Variants in EML6 observed in about 807,000 individuals in gnomAD.
EML6 encodes echinoderm microtubule-associated protein-like 6.
Under a neutral mutation model 240.1 loss-of-function variants are expected in EML6, and 154 were observed. The ratio of observed to expected loss-of-function variants is 0.64; its 90% CI spans 0.56 to 0.73. The LOEUF (loss-of-function observed/expected upper bound fraction) is 0.73, where lower values mean the gene tolerates loss of function less well. EML6 is among the 30% of genes least tolerant of loss of function. The pLI is 0.00. For missense variants in EML6, 2,964 were observed against 2,474.6 expected (o/e 1.20, Z -4.20); for synonymous variants, 1,148 against 899.0 (o/e 1.28, Z -4.95).
In EML6 at chr2:54,914,715, T is replaced by C. The variant is rs116409072; in HGVS notation, c.3499-2044T>C. Among the ~76,000 whole-genome samples the C allele has an allele frequency of 3.0e-3, 464 of 152,298 alleles. 1 individual carries two copies. Among genetic ancestry groups the C allele is most frequent in the African/African-American group, 0.01 (424 of 41,562 alleles). ...AGAGCATTGAAGAGGTAGCTCATCA[T>C]GTTAGTCCCAATATTATAAGGCCCT... On this transcript the variant is annotated intron_variant, in intron 25 of 41. Transcript: ENST00000356458.
In EML6 at chr2:54,971,968, A is replaced by ATAAAACACATCAC. The variant is rs1677047577; in HGVS notation, c.*1875_*1887dup. The ATAAAACACATCAC allele has an allele frequency of 2.0e-5, 3 of 152,386 alleles. No homozygotes were observed. Among genetic ancestry groups the ATAAAACACATCAC allele is most frequent in the African/African-American group, 7.2e-5 (3 of 41,594 alleles). The allele number at this position is 152,386 out of a possible 1,614,324, so 9.4% of individuals were successfully genotyped here. A position where few individuals can be genotyped will look rare whatever the true frequency, so the allele number is the denominator to read the frequency against. Reference sequence around the variant, plus strand: ...TGGTGCATGAATTTATTTTCAAAGTATAAAACACATCACTTAAACATTTTA... The same window carrying ATAAAACACATCAC: ...TGGTGCATGAATTTATTTTCAAAGTATAAAACACATCACTAAAACACATCACTTAAACATTTTA... On this transcript the variant is annotated 3_prime_UTR_variant, in exon 42 of 42. Transcript: ENST00000356458.
Position 54,746,542 on chromosome 2 carries a change from AAG to A in EML6, c.197+21287_197+21288del, listed in dbSNP as rs201927401. 3.2e-3 allele frequency among the ~76,000 whole-genome samples: 482 copies of A among 152,338 alleles called. 4 individuals carry two copies. Among genetic ancestry groups the A allele is most frequent in the African/African-American group, 0.011 (459 of 41,586 alleles). ...AAATATAAAGAAGAGAGAAAAAGAA[AAG>A]AGTGTTGTTGTTGTTACTAATCCTT... On this transcript the variant is annotated intron_variant, in intron 2 of 41. Coordinates refer to ENST00000356458, the MANE Select transcript of EML6 (RefSeq NM_001039753.4).
intron 28 of EML6, among the ~76,000 whole-genome samples, chr2:54,929,296 G>A (rs1344874666): frequency 6.6e-6 from 1 of 152,146 alleles, no homozygotes; most frequent in Non-Finnish European, 1.5e-5. Context: ...TATTGCCTTG[G>A]ATCCTCTATA....
At chr2:54,878,789 A>G (rs1671657576) in intron 16 of EML6, among the ~76,000 whole-genome samples, 1 of 152,170 alleles carries the variant, frequency 6.6e-6, no homozygotes, top group African/African-American at 2.4e-5. Context: ...CTAAAGGAAA[A>G]TGTTCATGAT....
chr2:54,890,624 C>T (rs750414997), intron 17 of EML6, among the ~76,000 whole-genome samples: 2 of 152,116 alleles, frequency 1.3e-5, no homozygotes, highest in African/African-American at 2.4e-5. Context: ...CAATGCTTTC[C>T]ACAGCAAGAG....
chr2:54,727,786 A>C (rs1186262731), intron 2 of EML6, among the ~76,000 whole-genome samples: 2 of 152,234 alleles, frequency 1.3e-5, no homozygotes, highest in Non-Finnish European at 2.9e-5. Flanking sequence ...ATTCATATGC[A>C]TACATCTATA....
intron 12 of EML6, among the ~76,000 whole-genome samples, chr2:54,860,723 G>A (rs1298528796): frequency 1.3e-5 from 2 of 152,190 alleles, no homozygotes; most frequent in Admixed American, 6.5e-5. Context: ...CATAGAGAAA[G>A]GTGGCAGTTT....
Position 54,855,458 on chromosome 2 carries a change from GCC to G in EML6, c.1657+1612_1657+1613del, listed in dbSNP as rs11297060. On this transcript the variant is annotated intron_variant, in intron 11 of 41. Transcript: ENST00000356458. ...CCATAATCCAGTTACCTTCTACCAT[GCC>G]CCCCCCCCGCCCTCTAATTCTGGAG... is the stretch of plus-strand genomic sequence containing the variant. Among the ~76,000 whole-genome samples the G allele has an allele frequency of 9.0e-3, 1,120 of 124,196 alleles. 18 individuals carry two copies. Among genetic ancestry groups the G allele is most frequent in the African/African-American group, 0.032 (1,054 of 32,960 alleles). The allele number at this position is 124,196 out of a possible 152,430, so 81.5% of individuals were successfully genotyped here.
intron 17 of EML6, among the ~76,000 whole-genome samples, chr2:54,889,272 C>G (rs1329834260): frequency 1.3e-5 from 2 of 151,960 alleles, no homozygotes; most frequent in African/African-American, 2.4e-5. Flanking sequence ...CCTGGTCATT[C>G]CTGCTGGCTT....
intron 24 of EML6, among the ~76,000 whole-genome samples, chr2:54,908,389 A>G (rs1040583080): frequency 2.6e-5 from 4 of 151,778 alleles, no homozygotes; most frequent in Non-Finnish European, 4.4e-5. Context: ...TTTTTTCTGT[A>G]TTTTTAGTAG....
At chr2:54,888,071 C>G (rs575490604) in intron 17 of EML6, among the ~76,000 whole-genome samples, 1 of 152,224 alleles carries the variant, frequency 6.6e-6, no homozygotes, top group Non-Finnish European at 1.5e-5. Context: ...CAATACTATG[C>G]CACCAGCTTT....
At chr2:54,837,514 G>T (rs533460217) in intron 7 of EML6, among the ~76,000 whole-genome samples, 56 of 152,298 alleles carry the variant, frequency 3.7e-4, no homozygotes, top group African/African-American at 1.3e-3. Context: ...CTGCCCACCT[G>T]CAGGGCTTGC....
chr2:54,738,722 G>A (rs1558516841), intron 2 of EML6, among the ~76,000 whole-genome samples: 1 of 152,134 alleles, frequency 6.6e-6, no homozygotes, highest in Non-Finnish European at 1.5e-5. Flanking sequence ...ATTCATTTGT[G>A]TTTCTACATG....
At chr2:54,803,711 A>G (rs367900766) in intron 2 of EML6, among the ~76,000 whole-genome samples, 2 of 152,200 alleles carry the variant, frequency 1.3e-5, no homozygotes, top group African/African-American at 2.4e-5. Flanking sequence ...GTGCAACTCT[A>G]TACTTAAATA....
chr2:54,928,669 A>G lies in EML6; in HGVS notation c.3922A>G (p.Thr1308Ala), dbSNP rs369608165. ...TAGAGAAAAGGCCATTGACTACACC[A>G]CCAAGATTTATGCTGTGAGCATCAG... The part of the protein sequence containing the change: ...VAREKAIDYT[T>A]KIYAVSIREM... Residue 1308 changes from threonine (T) to alanine (A), a missense_variant, in exon 28 of 42, where the codon ACC becomes GCC. Thr to Ala is a moderately conservative substitution (Grantham distance 58, BLOSUM62 0). Transcript: ENST00000356458. 6.4e-6 allele frequency: 10 copies of G among 1,552,026 alleles called. No homozygotes were observed. The Middle Eastern group carries it at 5.0e-4, about 78-fold the overall frequency.
chr2:54,949,915 C>T (rs949920850), intron 29 of EML6, among the ~76,000 whole-genome samples: 2 of 152,220 alleles, frequency 1.3e-5, no homozygotes, highest in Non-Finnish European at 2.9e-5. Flanking sequence ...CTTTCCAAGA[C>T]CTTCTCCAGT....
chr2:54,889,799 C>T (rs1221259467), intron 17 of EML6, among the ~76,000 whole-genome samples: 2 of 152,098 alleles, frequency 1.3e-5, no homozygotes, highest in African/African-American at 2.4e-5. Context: ...ATGTTCAATA[C>T]GATGTTAAAT....
intron 24 of EML6, among the ~76,000 whole-genome samples, chr2:54,904,018 A>G (rs1673191590): frequency 6.6e-6 from 1 of 152,186 alleles, no homozygotes; most frequent in Non-Finnish European, 1.5e-5. Flanking sequence ...CATGCCCACA[A>G]ATGCCATGAG....
At chr2:54,775,782 T>C (rs1668571696) in intron 2 of EML6, among the ~76,000 whole-genome samples, 1 of 152,116 alleles carries the variant, frequency 6.6e-6, no homozygotes, top group East Asian at 1.9e-4. Context: ...CCTGCCCTTG[T>C]GGAATGGGAA....
Sources: gnomAD v4.1 joint callset for allele counts (sites outside exome capture counted in the v4.1 genomes callset) on GRCh38, gnomAD v4.1.1 for gene constraint, MANE v1.5 for transcripts, NCBI Gene and HGNC (gene_info 2026-07-23, HGNC 2026-07-21) for gene names.